SLC35F4: variants seen among roughly 807,000 people sequenced by gnomAD.
The protein encoded by SLC35F4 is solute carrier family 35 member F4.
A neutral mutation model predicts 44.2 loss-of-function variants in SLC35F4; 24 were observed. That is an observed-to-expected ratio of 0.54 (90% CI 0.39 to 0.76). The LOEUF (loss-of-function observed/expected upper bound fraction) is 0.76, where lower values mean the gene tolerates loss of function less well. Among genes scored for constraint, SLC35F4 ranks in the 30% least tolerant of loss-of-function variants. The probability of loss-of-function intolerance (pLI) is 0.00; values close to 1 mark genes in which losing one functional copy is unlikely to be tolerated. For missense variants in SLC35F4, 562 were observed against 586.1 expected, an observed-to-expected ratio of 0.96 and a Z score of 0.42; for synonymous variants, 238 against 223.6, an observed-to-expected ratio of 1.06 and a Z score of -0.57.
chr14:57,594,029 TGACA>T lies in SLC35F4; in HGVS notation c.195_198del (p.Val66ProfsTer60). 13 of 1,613,916 alleles carry T rather than the reference TGACA, an allele frequency of 8.1e-6. No homozygotes were observed. The highest frequency in any genetic ancestry group is 1.1e-5 in the Non-Finnish European group (13 of 1,179,868). On this transcript the variant is annotated frameshift_variant, in exon 2 of 8. Coordinates refer to ENST00000556826, the MANE Select transcript of SLC35F4 (RefSeq NM_001306087.2). LOFTEE classifies it high-confidence loss of function. The stretch of plus-strand genomic sequence containing the variant: ...AGAATAGGAGCAGAGGAATCTTCGG[TGACA>T]GACAGTGGGGACAGTTGTCTACTGA...
Position 57,947,370 on chromosome 14 carries a change from A to G in SLC35F4, n.282+34543T>C, listed in dbSNP as rs543134559. On this transcript the variant is annotated intron_variant and non_coding_transcript_variant, in intron 1 of 1. Coordinates refer to the SLC35F4 transcript ENST00000556568. ...GTATAGCAGTGCTACTGATTTGTGT[A>G]TATTGATTTTGTGTCCTGAAACTTT... Among the ~76,000 whole-genome samples, 8 of 151,432 alleles carry G rather than the reference A, an allele frequency of 5.3e-5. No individual in the cohort carries two copies. The South Asian group carries it at 1.7e-3, about 32-fold the overall frequency.
chr14:57,737,420 T>C (rs1566808952), intron 1 of SLC35F4, among the ~76,000 whole-genome samples: 1 of 152,150 alleles, frequency 6.6e-6, no homozygotes, highest in East Asian at 1.9e-4. Context: ...ACTTTGAAAG[T>C]ATATAAGCTT....
At chr14:57,793,115 A>G (rs1271201785) in intron 1 of SLC35F4, among the ~76,000 whole-genome samples, 3 of 152,166 alleles carry the variant, frequency 2.0e-5, no homozygotes, top group Non-Finnish European at 4.4e-5. Flanking sequence ...GTCTTATCAC[A>G]AAACTTACCA....
intron 1 of SLC35F4, among the ~76,000 whole-genome samples, chr14:57,756,607 ATGT>A (rs915140594): frequency 2.0e-3 from 302 of 151,956 alleles, no homozygotes; most frequent in African/African-American, 6.8e-3. Context: ...TTTGTTGATA[ATGT>A]TGTTCAAGTC....
chr14:57,722,118 G>A (rs552027020), intron 1 of SLC35F4, among the ~76,000 whole-genome samples: 18 of 152,262 alleles, frequency 1.2e-4, no homozygotes, highest in African/African-American at 4.3e-4. Context: ...GGATGGGAAT[G>A]GATATTAAGG....
chr14:57,660,333 A>G lies in SLC35F4; in HGVS notation c.104-66209T>C, dbSNP rs866290700. 5.1e-4 allele frequency among the ~76,000 whole-genome samples: 78 copies of G among 152,180 alleles called. No individual in the cohort carries two copies. In the Middle Eastern group the frequency reaches 0.01, roughly 20 times the overall value. Reference sequence around the variant, plus strand: ...CTGGAATAGATTCAACAGTATCACAATTAGCAAAAAAGCTTTGGCTCTTGA... The same window carrying G: ...CTGGAATAGATTCAACAGTATCACAGTTAGCAAAAAAGCTTTGGCTCTTGA... On this transcript the variant is annotated intron_variant, in intron 1 of 7. Transcript: ENST00000556826.
intron 1 of SLC35F4, among the ~76,000 whole-genome samples, chr14:57,835,867 C>G (rs1373054892): frequency 6.6e-6 from 1 of 152,224 alleles, no homozygotes; most frequent in Non-Finnish European, 1.5e-5. Context: ...GATTTCAGCT[C>G]TTTCAGAGTT....
chr14:57,821,944 C>T (rs2046535800), intron 1 of SLC35F4, among the ~76,000 whole-genome samples: 1 of 152,240 alleles, frequency 6.6e-6, no homozygotes, highest in South Asian at 2.1e-4. Flanking sequence ...GAGGTGCCCA[C>T]TCTCAGGCAC....
At chr14:57,925,387 C>T (rs1889537191) in intron 1 of SLC35F4, among the ~76,000 whole-genome samples, 5 of 151,668 alleles carry the variant, frequency 3.3e-5, no homozygotes, top group Admixed American at 3.3e-4. Flanking sequence ...AACTTACTCC[C>T]AGTGGTATAT....
At chr14:57,665,546 A>G (rs2074279504) in intron 1 of SLC35F4, among the ~76,000 whole-genome samples, 1 of 152,208 alleles carries the variant, frequency 6.6e-6, no homozygotes, top group Non-Finnish European at 1.5e-5. Context: ...GATTTCGCTA[A>G]TCACAGAACT....
intron 1 of SLC35F4, among the ~76,000 whole-genome samples, chr14:57,700,231 C>T (rs145733024): frequency 5.3e-5 from 8 of 152,210 alleles, no homozygotes; most frequent in Non-Finnish European, 8.8e-5. Flanking sequence ...AGCATGTTAC[C>T]GTACTGAATA....
chr14:57,935,580 ATTC>A, intron 1 of SLC35F4, among the ~76,000 whole-genome samples: 1 of 152,276 alleles, frequency 6.6e-6, no homozygotes, highest in East Asian at 1.9e-4. Flanking sequence ...TTCTAATATT[ATTC>A]TTTTTAGAGT....
chr14:57,978,428 A>G (rs1881281292), intron 1 of SLC35F4, among the ~76,000 whole-genome samples: 2 of 152,188 alleles, frequency 1.3e-5, no homozygotes, highest in Admixed American at 1.3e-4. Flanking sequence ...CCCTATCTGC[A>G]TGGTATCCTG....
At chr14:57,587,470 G>A (rs539072772) in intron 3 of SLC35F4, among the ~76,000 whole-genome samples, 12 of 152,306 alleles carry the variant, frequency 7.9e-5, no homozygotes, top group Admixed American at 3.3e-4. Flanking sequence ...CGTGTCCTTT[G>A]CAGGGCCATG....
chr14:57,750,884 C>T (rs1254061835), intron 1 of SLC35F4, among the ~76,000 whole-genome samples: 1 of 152,160 alleles, frequency 6.6e-6, no homozygotes, highest in Non-Finnish European at 1.5e-5. Flanking sequence ...TATAGGCAGT[C>T]ACTTTTGTTG....
intron 1 of SLC35F4, among the ~76,000 whole-genome samples, chr14:57,711,532 G>A (rs2075818189): frequency 1.3e-5 from 2 of 152,154 alleles, no homozygotes. Flanking sequence ...ATTTAATTTG[G>A]CCCAACCTAA....
chr14:57,841,663 A>G (rs1318497809), intron 1 of SLC35F4, among the ~76,000 whole-genome samples: 1 of 152,194 alleles, frequency 6.6e-6, no homozygotes, highest in Non-Finnish European at 1.5e-5. Context: ...GCCAGGGACT[A>G]TGGTGAAGTG....
Position 57,753,687 on chromosome 14 carries a change from C to T in SLC35F4, c.103+112036G>A, listed in dbSNP as rs185836916. ...CTTTGAGGGCAGCACCAAGAAGGGA[C>T]TGTGAGTTCTTCAGTTCAGGGAGCT... is the stretch of plus-strand genomic sequence containing the variant. On this transcript the variant is annotated intron_variant, in intron 1 of 7. Transcript: ENST00000556826. 2.0e-5 allele frequency among the ~76,000 whole-genome samples: 3 copies of T among 152,294 alleles called. No homozygotes were observed. In the East Asian group the frequency reaches 5.8e-4, roughly 29 times the overall value.
chr14:57,581,698 C>A (rs544644081), intron 3 of SLC35F4, among the ~76,000 whole-genome samples: 1 of 152,330 alleles, frequency 6.6e-6, no homozygotes, highest in South Asian at 2.1e-4. Context: ...GCCATTCTGT[C>A]GTTTTTGAGC....
Sources: gnomAD v4.1 joint callset for allele counts (sites outside exome capture counted in the v4.1 genomes callset) on GRCh38, gnomAD v4.1.1 for gene constraint, MANE v1.5 for transcripts, NCBI Gene and HGNC (gene_info 2026-07-23, HGNC 2026-07-21) for gene names.